CCDC85C: variants seen among roughly 807,000 people sequenced by gnomAD.
CCDC85C encodes coiled-coil domain containing 85C.
A neutral mutation model predicts 38.3 loss-of-function variants in CCDC85C; 18 were observed. The ratio of observed to expected loss-of-function variants is 0.47; its 90% confidence interval spans 0.33 to 0.70. The LOEUF (loss-of-function observed/expected upper bound fraction) is 0.70. Ranked by LOEUF, CCDC85C falls within the 30% of genes least tolerant of loss-of-function variation. The probability of loss-of-function intolerance (pLI) is 0.03; values close to 1 mark genes in which losing one functional copy is unlikely to be tolerated. For synonymous variants in CCDC85C, 264 were observed against 293.8 expected, an observed-to-expected ratio of 0.90 and a Z score of 1.04; for missense variants, 566 against 621.2, an observed-to-expected ratio of 0.91 and a Z score of 0.94.
chr14:99,552,896 G>C (rs1194767303), intron 1 of CCDC85C, among the ~76,000 whole-genome samples: 2 of 152,214 alleles, frequency 1.3e-5, no homozygotes, highest in Non-Finnish European at 2.9e-5. Context: ...GACATCACTG[G>C]GTGACCCAAA....
chr14:99,523,128 G>A (rs893372180), intron 2 of CCDC85C, among the ~76,000 whole-genome samples: 5 of 152,134 alleles, frequency 3.3e-5, no homozygotes, highest in South Asian at 4.1e-4. Flanking sequence ...AAAACCCTGC[G>A]GAATGTCCCA....
At position 99,572,488 on chromosome 14, in the gene CCDC85C, C is replaced by T. The variant is rs544683095; in HGVS notation, c.793+30679G>A. ...TATAAATGATCAGGTATCACACCTC[C>T]GCCAGGCTTTAGATAAAATCCCAAC... On this transcript the variant is annotated intron_variant, in intron 1 of 5. Coordinates refer to ENST00000380243, the MANE Select transcript of CCDC85C (RefSeq NM_001144995.2). The surrounding 1 kb of genome is among the most constrained non-coding windows in gnomAD (Gnocchi z 4.4). Among the ~76,000 whole-genome samples, 37 of 152,164 alleles carry T rather than the reference C, an allele frequency of 2.4e-4. No individual in the cohort carries two copies. The highest frequency in any genetic ancestry group is 3.4e-3 in the Middle Eastern group (1 of 294).
At chr14:99,555,357 G>T (rs902988237) in intron 1 of CCDC85C, among the ~76,000 whole-genome samples, 4 of 152,182 alleles carry the variant, frequency 2.6e-5, no homozygotes, top group African/African-American at 9.6e-5. Context: ...GGTGTCCGCC[G>T]GCTTGTCCAA....
chr14:99,515,600 C>T lies in CCDC85C; in HGVS notation c.1171-265G>A, dbSNP rs116184251. Among the ~76,000 whole-genome samples, 308 of 152,178 alleles carry T rather than the reference C, an allele frequency of 2.0e-3. 1 individual carries two copies. Among genetic ancestry groups the T allele is most frequent in the African/African-American group, 6.4e-3 (266 of 41,526 alleles). ...GGTCCACAGGCCCCACTAGGTGATG[C>T]GGGGGAGGGGCTGCACAGTTCAGAG... On this transcript the variant is annotated intron_variant, in intron 5 of 5. Coordinates refer to ENST00000380243, the MANE Select transcript of CCDC85C (RefSeq NM_001144995.2).
rs1457172024 is a variant in CCDC85C at position 99,584,750 on chromosome 14, T to TAACTGCCC, written c.793+18409_793+18416dup. Among the ~76,000 whole-genome samples the TAACTGCCC allele has an allele frequency of 3.3e-5, 5 of 152,312 alleles. No homozygotes were observed. In the East Asian group the frequency reaches 9.7e-4, roughly 29 times the overall value. ...CCAGTGCTCAACTTTCAAGTCCACA[T>TAACTGCCC]AACTGCCCCACTGCCCACAGAGCGG... On this transcript the variant is annotated intron_variant, in intron 1 of 5. Coordinates refer to ENST00000380243, the MANE Select transcript of CCDC85C (RefSeq NM_001144995.2).
In CCDC85C at chr14:99,603,483, C is replaced by T. The variant is rs2055232437; in HGVS notation, c.477G>A (p.Ala159=). ...LLLDEERAAL[A]ATGAASGGGG... ...CGCCACCGCTTGCGGCCCCCGTCGC[C>T]GCCAGTGCCGCGCGCTCCTCGTCCA... The change falls in exon 1 of 6, where the codon GCG becomes GCA. Residue 159 remains alanine (A), a synonymous_variant. Transcript: ENST00000380243. This position sits in a 1 kb window ranked among gnomAD's most constrained non-coding sequence, Gnocchi z 7.5. 5 of 1,296,676 alleles carry T rather than the reference C, an allele frequency of 3.9e-6. No homozygotes were observed. The highest frequency in any genetic ancestry group is 1.6e-5 in the African/African-American group (1 of 64,272). 80.3% of individuals were successfully genotyped at this position (1,296,676 alleles called of 1,614,324 possible). A position where few individuals can be genotyped will look rare whatever the true frequency, so the allele number is the denominator to read the frequency against.
rs1041723627 is a variant in CCDC85C at position 99,558,994 on chromosome 14, C to T, written c.794-22906G>A. Among the ~76,000 whole-genome samples, 30 of 152,262 alleles carry T rather than the reference C, an allele frequency of 2.0e-4. No homozygotes were observed. Among genetic ancestry groups the T allele is most frequent in the African/African-American group, 7.2e-4 (30 of 41,536 alleles). ...GTGTGTGGCTCCTCCCCGCACTCTA[C>T]TCCCCTCTTTCTCCTGCTCCCGCCT... On this transcript the variant is annotated intron_variant, in intron 1 of 5. Transcript: ENST00000380243. This position sits in a 1 kb window ranked among gnomAD's most constrained non-coding sequence, Gnocchi z 4.2.
At chr14:99,582,744 G>C (rs2054986805) in intron 1 of CCDC85C, among the ~76,000 whole-genome samples, 2 of 152,168 alleles carry the variant, frequency 1.3e-5, no homozygotes, top group African/African-American at 4.8e-5. Context: ...AAACCAGGGG[G>C]CGGAGGTTGC....
intron 1 of CCDC85C, among the ~76,000 whole-genome samples, chr14:99,551,674 G>T (rs1174721617): frequency 2.7e-5 from 4 of 148,154 alleles, no homozygotes; most frequent in African/African-American, 7.5e-5. Flanking sequence ...AGGTGGGTGT[G>T]CAGGTGGGTG....
chr14:99,579,751 C>T (rs1486503394), intron 1 of CCDC85C, among the ~76,000 whole-genome samples: 2 of 152,198 alleles, frequency 1.3e-5, no homozygotes, highest in South Asian at 2.1e-4. Context: ...GGAGAGGTCC[C>T]CACATGTCAG....
In CCDC85C at chr14:99,502,559, A is replaced by G. The variant is rs771377085; in HGVS notation, c.*12687T>C. On this transcript the variant is annotated 3_prime_UTR_variant, in exon 6 of 6. Coordinates refer to ENST00000380243, the MANE Select transcript of CCDC85C (RefSeq NM_001144995.2). ...TCCAAACACATACTTTTGGTAAACT[A>G]AAAATACACACCAGTGTTGCACACA... 4.9e-6 allele frequency: 6 copies of G among 1,222,766 alleles called. No homozygotes were observed. The highest frequency in any genetic ancestry group is 6.7e-6 in the Non-Finnish European group (6 of 889,352). The allele number at this position is 1,222,766 out of a possible 1,614,324, so 75.7% of individuals were successfully genotyped here. A position where few individuals can be genotyped will look rare whatever the true frequency, so the allele number is the denominator to read the frequency against.
At position 99,516,320 on chromosome 14, in the gene CCDC85C, G is replaced by T; in HGVS notation, c.1072-34C>A. On this transcript the variant is annotated intron_variant, in intron 4 of 5. Transcript: ENST00000380243. The surrounding 1 kb of genome is among the most constrained non-coding windows in gnomAD (Gnocchi z 5.5). ...AACGGGTCTCGGGGTCAGGGGCAGA[G>T]GCCACCGGCAGACCTCGGGCAAGTC... 1 of 1,494,114 alleles carries T rather than the reference G, an allele frequency of 6.7e-7. No homozygotes were observed. The highest frequency in any genetic ancestry group is 9.1e-7 in the Non-Finnish European group (1 of 1,096,176). 92.6% of individuals were successfully genotyped at this position (1,494,114 alleles called of 1,614,324 possible).
In CCDC85C at chr14:99,507,406, G is replaced by C. The variant is rs1469789635; in HGVS notation, c.*7840C>G. 4.3e-6 allele frequency: 2 copies of C among 463,028 alleles called. No individual in the cohort carries two copies. The highest frequency in any genetic ancestry group is 6.9e-5 in the Admixed American group (2 of 29,092). 28.7% of individuals were successfully genotyped at this position (463,028 alleles called of 1,614,324 possible). A position where few individuals can be genotyped will look rare whatever the true frequency, so the allele number is the denominator to read the frequency against. ...AGCCTGGGCAACAAAGTGAGACCCT[G>C]TCTAAAAAATTAGCCAGGTGTGGTA... On this transcript the variant is annotated 3_prime_UTR_variant, in exon 6 of 6. Transcript: ENST00000380243.
Position 99,501,943 on chromosome 14 carries a change from G to T in CCDC85C, c.*13303C>A, listed in dbSNP as rs1896840858. On this transcript the variant is annotated 3_prime_UTR_variant, in exon 6 of 6. Transcript: ENST00000380243. Reference sequence around the variant, plus strand: ...GATTTCAACAGTTTAAATAACATAAGTCATTTTCATTGGTGTAGCAATTTT... The same window carrying T: ...GATTTCAACAGTTTAAATAACATAATTCATTTTCATTGGTGTAGCAATTTT... The T allele has an allele frequency of 3.1e-6, 1 of 317,664 alleles. No individual in the cohort carries two copies. The highest frequency in any genetic ancestry group is 4.6e-5 in the Admixed American group (1 of 21,558). The allele number at this position is 317,664 out of a possible 1,614,324, so 19.7% of individuals were successfully genotyped here.
Position 99,504,451 on chromosome 14 carries a change from A to ATTTTTTT in CCDC85C, c.*10788_*10794dup, listed in dbSNP as rs376815169. 1 of 136,958 alleles carries ATTTTTTT rather than the reference A, an allele frequency of 7.3e-6. No homozygotes were observed. The highest frequency in any genetic ancestry group is 7.3e-5 in the Admixed American group (1 of 13,708). 8.5% of individuals were successfully genotyped at this position (136,958 alleles called of 1,614,324 possible). On this transcript the variant is annotated 3_prime_UTR_variant, in exon 6 of 6. Coordinates refer to ENST00000380243, the MANE Select transcript of CCDC85C (RefSeq NM_001144995.2). Reference sequence around the variant, plus strand: ...GGAATGATGAGTTCAGTACAGGTGAATTTTTTTTTTTTTTTTGAGACAGAG... The same window carrying ATTTTTTT: ...GGAATGATGAGTTCAGTACAGGTGAATTTTTTTTTTTTTTTTTTTTTTTGAGACAGAG...
chr14:99,603,718 T>G lies in CCDC85C; in HGVS notation c.242A>C (p.Asn81Thr). The change falls in exon 1 of 6, where the codon AAC (asparagine) becomes ACC (threonine). Residue 81 changes from asparagine to threonine, a missense_variant. Transcript: ENST00000380243. The surrounding 1 kb of genome is among the most constrained non-coding windows in gnomAD (Gnocchi z 7.5). ...GCAGCAGAGCTCGCGCAGCTCCTGG[T>G]TGTCGTCCTGCAGCCGCTGGTTCAC... ...KDVNQRLQDD[N>T]QELRELCCFL... 6.6e-7 allele frequency: 1 copy of G among 1,518,514 alleles called. No homozygotes were observed. The highest frequency in any genetic ancestry group is 8.8e-7 in the Non-Finnish European group (1 of 1,138,648). The allele number at this position is 1,518,514 out of a possible 1,614,324, so 94.1% of individuals were successfully genotyped here. A position where few individuals can be genotyped will look rare whatever the true frequency, so the allele number is the denominator to read the frequency against.
At position 99,569,985 on chromosome 14, in the gene CCDC85C, C is replaced by T. The variant is rs1192506708; in HGVS notation, c.793+33182G>A. On this transcript the variant is annotated intron_variant, in intron 1 of 5. Coordinates refer to ENST00000380243, the MANE Select transcript of CCDC85C (RefSeq NM_001144995.2). The surrounding 1 kb of genome is among the most constrained non-coding windows in gnomAD (Gnocchi z 4.3). ...TCAAAAAAAAAAGAAAGAGCCTGAG[C>T]TCAGGCCCAGCGTTACCCTGAGTGG... 1.3e-5 allele frequency among the ~76,000 whole-genome samples: 2 copies of T among 151,994 alleles called. No individual in the cohort carries two copies. The highest frequency in any genetic ancestry group is 1.3e-4 in the Admixed American group (2 of 15,272).
At chr14:99,523,716 A>C (rs1005881985) in intron 2 of CCDC85C, among the ~76,000 whole-genome samples, 1 of 152,064 alleles carries the variant, frequency 6.6e-6, no homozygotes, top group Non-Finnish European at 1.5e-5. Context: ...GTGGGAACCA[A>C]CCTTCCTGCA....
chr14:99,525,679 C>T (rs1056843719), intron 2 of CCDC85C, among the ~76,000 whole-genome samples: 12 of 152,206 alleles, frequency 7.9e-5, no homozygotes, highest in East Asian at 1.9e-4. Flanking sequence ...GCTGGGGGTG[C>T]GGGTGGAGGC....
Sources: gnomAD v4.1 joint callset for allele counts (sites outside exome capture counted in the v4.1 genomes callset) on GRCh38, gnomAD v4.1.1 for gene constraint, Gnocchi (gnomAD v3.1) non-coding constraint, MANE v1.5 for transcripts, NCBI Gene and HGNC (gene_info 2026-07-23, HGNC 2026-07-21) for gene names.